Variants in CUX1 observed in about 807,000 individuals in gnomAD.
CUX1 encodes cut like homeobox 1.
CUX1 carries 31 observed loss-of-function variants against 158.8 expected under a neutral mutation model. The observed-to-expected ratio is 0.20, with a 90% confidence interval of 0.15 to 0.26. The LOEUF (loss-of-function observed/expected upper bound fraction) is 0.26, where lower values mean the gene tolerates loss of function less well. CUX1 is among the 10% of genes least tolerant of loss of function. The probability of loss-of-function intolerance (pLI) is 1.00; values close to 1 mark genes in which losing one functional copy is unlikely to be tolerated. For missense variants in CUX1, 1,589 were observed against 2,014.6 expected (o/e 0.79, Z 4.04); for synonymous variants, 879 against 862.1 (o/e 1.02, Z -0.34).
intron 8 of CUX1, among the ~76,000 whole-genome samples, chr7:102,136,443 G>GTGCACCA (rs1383519497): frequency 6.6e-6 from 1 of 151,130 alleles, no homozygotes; most frequent in Non-Finnish European, 1.5e-5. Flanking sequence ...CCATGCTGGA[G>GTGCACCA]TGCAGTGGCA....
chr7:102,116,558 T>G (rs781936619), intron 8 of CUX1, among the ~76,000 whole-genome samples: 5 of 152,042 alleles, frequency 3.3e-5, no homozygotes, highest in Non-Finnish European at 7.3e-5. Flanking sequence ...GGTGGGAGGA[T>G]CACGTGAACC....
At position 102,249,872 on chromosome 7, in the gene CUX1, AAAAG is replaced by A; in HGVS notation, c.*834_*837del. ...CATTTACTCCACATATTTTTTAACA[AAAAG>A]AAAACGTCACATCAGGAAACTCTGA... On this transcript the variant is annotated 3_prime_UTR_variant, in exon 24 of 24. Transcript: ENST00000292535. 3.0e-6 allele frequency: 3 copies of A among 985,814 alleles called. No homozygotes were observed. The highest frequency in any genetic ancestry group is 3.6e-6 in the Non-Finnish European group (3 of 829,912). 61.1% of individuals were successfully genotyped at this position (985,814 alleles called of 1,614,324 possible).
intron 8 of CUX1, among the ~76,000 whole-genome samples, chr7:102,144,705 A>C (rs1271307214): frequency 9.2e-5 from 14 of 151,786 alleles, no homozygotes; most frequent in Middle Eastern, 3.4e-3. Context: ...TAATAATCAT[A>C]ATAATTTTTT....
At chr7:101,868,708 G>A (rs772890410) in intron 1 of CUX1, among the ~76,000 whole-genome samples, 7 of 152,194 alleles carry the variant, frequency 4.6e-5, no homozygotes, top group Non-Finnish European at 1.0e-4. Context: ...AGCTCAGAAT[G>A]GATGATGAAG....
chr7:101,940,511 C>T (rs968886208), intron 2 of CUX1, among the ~76,000 whole-genome samples: 2 of 151,938 alleles, frequency 1.3e-5, no homozygotes, highest in Non-Finnish European at 2.9e-5. Flanking sequence ...CTCCTCCCTT[C>T]GATCTCTGAA....
intron 2 of CUX1, among the ~76,000 whole-genome samples, chr7:101,955,861 C>T (rs942580508): frequency 3.3e-5 from 5 of 151,762 alleles, no homozygotes; most frequent in Non-Finnish European, 4.4e-5. Context: ...CTTGAGCAAT[C>T]GAATACTTGC....
chr7:102,278,730 T>TAAATA (rs1267989605), intron 18 of CUX1, among the ~76,000 whole-genome samples: 11 of 141,390 alleles, frequency 7.8e-5, no homozygotes, highest in South Asian at 6.8e-4. Context: ...AAAATAATAA[T>TAAATA]AAATAAAATA....
At chr7:102,084,257 T>A (rs1226323609) in intron 4 of CUX1, among the ~76,000 whole-genome samples, 1 of 134,288 alleles carries the variant, frequency 7.4e-6, no homozygotes, top group South Asian at 2.3e-4. Flanking sequence ...TATTATATAA[T>A]TTTTACATTT....
intron 14 of CUX1, among the ~76,000 whole-genome samples, chr7:102,263,296 C>G (rs759723608): frequency 3.5e-5 from 5 of 142,242 alleles, no homozygotes; most frequent in Admixed American, 7.4e-5. Context: ...ATTACAGGTA[C>G]GAGCCACCAC....
chr7:102,154,123 A>G (rs1226269563), intron 8 of CUX1: 4 of 151,806 alleles, frequency 2.6e-5, no homozygotes, highest in Non-Finnish European at 5.9e-5. Context: ...GCAACATAGC[A>G]AGACCCCATC....
intron 3 of CUX1, among the ~76,000 whole-genome samples, chr7:102,060,610 C>CATATATATATAT (rs1295257805): frequency 9.5e-6 from 1 of 105,216 alleles, no homozygotes; most frequent in South Asian, 3.0e-4. Flanking sequence ...CACAAATAAA[C>CATATATATATAT]ACACACACAC....
chr7:102,278,919 A>G (rs1554548517), intron 18 of CUX1, among the ~76,000 whole-genome samples: 1 of 151,904 alleles, frequency 6.6e-6, no homozygotes, highest in African/African-American at 2.4e-5. Flanking sequence ...ACGTGCCTGT[A>G]GTCCCAGCTA....
At chr7:102,208,324 A>AC (rs1563410708) in intron 20 of CUX1, among the ~76,000 whole-genome samples, 3 of 152,016 alleles carry the variant, frequency 2.0e-5, no homozygotes, top group Admixed American at 6.5e-5. Context: ...GCTCACTGCA[A>AC]CCTCCGCCTC....
rs138314757 is a variant in CUX1 at position 101,985,603 on chromosome 7, C to T, written c.142-42495C>T. On this transcript the variant is annotated intron_variant, in intron 2 of 23. Transcript: ENST00000292535. Reference sequence around the variant, plus strand: ...GTGGAGAGGTTAAGAGCTTGGACTCCGGAGCCAGGTGGCTGGGCCACTTTG... The same window carrying T: ...GTGGAGAGGTTAAGAGCTTGGACTCTGGAGCCAGGTGGCTGGGCCACTTTG... Among the ~76,000 whole-genome samples, 945 of 152,274 alleles carry T rather than the reference C, an allele frequency of 6.2e-3. 11 individuals carry two copies. The highest frequency in any genetic ancestry group is 0.02 in the African/African-American group (818 of 41,550).
intron 8 of CUX1, among the ~76,000 whole-genome samples, chr7:102,121,389 A>T (rs1475995529): frequency 4.9e-5 from 7 of 144,064 alleles, no homozygotes; most frequent in Non-Finnish European, 3.0e-5. Context: ...TCTATTGCCC[A>T]GGCTGGAGTG....
intron 10 of CUX1, 23 bp from the exon 11 acceptor site, chr7:102,178,446 G>A (rs987951472): frequency 1.9e-6 from 3 of 1,573,476 alleles, no homozygotes; most frequent in African/African-American, 1.4e-5. Context: ...GCGCAGTTTT[G>A]TCATCTCTTT....
chr7:102,234,475 G>A (rs1799323624), intron 22 of CUX1, among the ~76,000 whole-genome samples: 1 of 152,122 alleles, frequency 6.6e-6, no homozygotes, highest in Non-Finnish European at 1.5e-5. Flanking sequence ...AGCACTGGGA[G>A]CACTTTTAAC....
At chr7:102,216,411 C>A (rs1797041234) in intron 20 of CUX1, among the ~76,000 whole-genome samples, 1 of 151,988 alleles carries the variant, frequency 6.6e-6, no homozygotes. Context: ...ATTAGAATGG[C>A]AGTGGGCACA....
intron 2 of CUX1, among the ~76,000 whole-genome samples, chr7:101,956,159 A>AT (rs1809760997): frequency 6.6e-6 from 1 of 151,434 alleles, no homozygotes; most frequent in Non-Finnish European, 1.5e-5. Flanking sequence ...AAAAAAAAAA[A>AT]AAAAGGAGGC....
Sources: gnomAD v4.1 joint callset for allele counts (sites outside exome capture counted in the v4.1 genomes callset) on GRCh38, gnomAD v4.1.1 for gene constraint, MANE v1.5 for transcripts, NCBI Gene and HGNC (gene_info 2026-07-23, HGNC 2026-07-21) for gene names.